The following VRK2 variants were observed in gnomAD, a reference collection of about 807,000 sequenced individuals.
VRK2 encodes the protein VRK serine/threonine kinase 2.
In VRK2, 60 loss-of-function variants were observed where a neutral mutation model predicts 57.6. That is an observed-to-expected ratio of 1.04 (90% CI 0.85 to 1.29). VRK2 has a LOEUF of 1.29. Among genes scored for constraint, VRK2 ranks in the 50% most tolerant of loss-of-function variants. VRK2 has a pLI of 0.00. For synonymous variants in VRK2, 231 were observed against 199.2 expected (o/e 1.16, Z -1.35); for missense variants, 705 against 588.1 (o/e 1.20, Z -2.06).
Position 58,139,706 on chromosome 2 carries a change from A to G in VRK2, c.897A>G (p.Ala299=). ...AQFLVCAHSL[A]YDEKPNYQAL... ...TTTTGGTATGTGCTCATAGTTTAGCATATGATGAAAAGCCAAACTATCAAG... is the reference window on the plus strand; with the variant it reads ...TTTTGGTATGTGCTCATAGTTTAGCGTATGATGAAAAGCCAAACTATCAAG... Residue 299 remains alanine, a synonymous_variant, in exon 11 of 13, where the codon GCA becomes GCG. Transcript: ENST00000340157. The G allele has an allele frequency of 6.2e-7, 1 of 1,613,148 alleles. No homozygotes were observed. Among genetic ancestry groups the G allele is most frequent in the Non-Finnish European group, 8.5e-7 (1 of 1,179,380 alleles).
chr2:58,042,625 T>C (rs995517300), upstream of VRK2, among the ~76,000 whole-genome samples: 1 of 152,200 alleles, frequency 6.6e-6, no homozygotes, highest in African/African-American at 2.4e-5. Context: ...GGTTGGGTTT[T>C]TCTTTTTCTT....
chr2:58,088,224 A>G (rs538787924), intron 5 of VRK2, 117 bp from the exon 6 acceptor site: 1 of 705,344 alleles, frequency 1.4e-6, no homozygotes, highest in Non-Finnish European at 2.5e-6. Context: ...CTAATGGTTT[A>G]GATTGCATTA....
chr2:58,132,523 C>G (rs1679363473), intron 9 of VRK2, among the ~76,000 whole-genome samples: 1 of 152,136 alleles, frequency 6.6e-6, no homozygotes. Flanking sequence ...AGACTAAGAA[C>G]AGGGTGTGTT....
intron 5 of VRK2, among the ~76,000 whole-genome samples, chr2:58,087,558 G>A (rs972676268): frequency 6.6e-6 from 1 of 152,180 alleles, no homozygotes; most frequent in Non-Finnish European, 1.5e-5. Context: ...AGGGGCTGAT[G>A]TGGATATATA....
chr2:57,927,869 G>A (rs550234172), intron 1 of VRK2, among the ~76,000 whole-genome samples: 1 of 152,260 alleles, frequency 6.6e-6, no homozygotes, highest in East Asian at 1.9e-4. Context: ...TCATGCCAGT[G>A]TTTCCTGGCC....
intron 1 of VRK2, among the ~76,000 whole-genome samples, chr2:57,945,206 A>AT (rs1253607143): frequency 6.6e-6 from 1 of 152,206 alleles, no homozygotes; most frequent in Non-Finnish European, 1.5e-5. Context: ...AAAATCTTGT[A>AT]TTAAGTTGGC....
intron 2 of VRK2, among the ~76,000 whole-genome samples, chr2:58,066,465 G>A (rs1668626508): frequency 6.6e-6 from 1 of 152,018 alleles, no homozygotes; most frequent in South Asian, 2.1e-4. Flanking sequence ...GATTCCATTT[G>A]CTTATATTTT....
At chr2:57,986,316 G>C (rs907119074) in intron 1 of VRK2, among the ~76,000 whole-genome samples, 1 of 151,884 alleles carries the variant, frequency 6.6e-6, no homozygotes, top group South Asian at 2.1e-4. Context: ...TTAAATGTCA[G>C]CTTCTTCAAA....
chr2:58,013,326 C>T (rs1203580772), intron 1 of VRK2, among the ~76,000 whole-genome samples: 1 of 152,168 alleles, frequency 6.6e-6, no homozygotes, highest in East Asian at 1.9e-4. Flanking sequence ...ATTTACACAT[C>T]TACTAATGTC....
intron 7 of VRK2, among the ~76,000 whole-genome samples, chr2:58,102,062 T>C (rs1333178339): frequency 6.6e-6 from 1 of 151,482 alleles, no homozygotes; most frequent in East Asian, 1.9e-4. Context: ...TAAATTCCCA[T>C]TGGGAAAGAT....
chr2:58,069,490 C>G (rs1186424131), intron 2 of VRK2, among the ~76,000 whole-genome samples: 1 of 152,048 alleles, frequency 6.6e-6, no homozygotes, highest in East Asian at 1.9e-4. Flanking sequence ...GTTCTCTGAC[C>G]AGAAATCTGG....
At position 58,011,232 on chromosome 2, in the gene VRK2, G is replaced by C. The variant is rs967110667; in HGVS notation, c.-438-14433G>C. Among the ~76,000 whole-genome samples the C allele has an allele frequency of 2.0e-5, 3 of 152,350 alleles. No individual in the cohort carries two copies. The East Asian group carries it at 5.8e-4, about 29-fold the overall frequency. ...TCAAATGATAGCTGCCCTAGGGCAA[G>C]GGCAAAACTTCAGCCATATTGGTTA... On this transcript the variant is annotated intron_variant, in intron 1 of 15. Coordinates refer to the VRK2 transcript ENST00000417641.
At chr2:58,010,951 CT>C (rs757604036) in intron 1 of VRK2, among the ~76,000 whole-genome samples, 1 of 152,224 alleles carries the variant, frequency 6.6e-6, no homozygotes, top group Admixed American at 6.5e-5. Flanking sequence ...AACAACCTTA[CT>C]TTTTAGTACA....
chr2:57,969,066 TA>T (rs1054807668), intron 1 of VRK2, among the ~76,000 whole-genome samples: 6 of 152,122 alleles, frequency 3.9e-5, no homozygotes. Context: ...TAATGTATTA[TA>T]AAATAGAGTG....
chr2:58,127,495 A>G (rs1678547078), intron 8 of VRK2, among the ~76,000 whole-genome samples: 1 of 152,212 alleles, frequency 6.6e-6, no homozygotes, highest in Admixed American at 6.5e-5. Flanking sequence ...AATATGACAC[A>G]TTGCATCCTA....
intron 7 of VRK2, among the ~76,000 whole-genome samples, chr2:58,092,919 T>C (rs1672579991): frequency 6.6e-6 from 1 of 152,146 alleles, no homozygotes; most frequent in Admixed American, 6.6e-5. Flanking sequence ...CGGTGTTTGG[T>C]TTTTTGTTCT....
intron 12 of VRK2, among the ~76,000 whole-genome samples, chr2:58,151,182 A>G (rs1682966584): frequency 6.6e-6 from 1 of 151,822 alleles, no homozygotes; most frequent in African/African-American, 2.4e-5. Flanking sequence ...ACAATCACCA[A>G]CTGTAATTGT....
At chr2:58,136,710 A>G (rs1680075067) in intron 10 of VRK2, among the ~76,000 whole-genome samples, 2 of 150,558 alleles carry the variant, frequency 1.3e-5, no homozygotes, top group Non-Finnish European at 1.5e-5. Context: ...ACCAAGTTGT[A>G]TAGTTCATCT....
intron 12 of VRK2, among the ~76,000 whole-genome samples, chr2:58,157,381 G>A (rs953668468): frequency 2.0e-5 from 3 of 152,164 alleles, no homozygotes; most frequent in Non-Finnish European, 4.4e-5. Flanking sequence ...TGGGGGTGCT[G>A]TCCTGTGATG....
Sources: gnomAD v4.1 joint callset for allele counts (sites outside exome capture counted in the v4.1 genomes callset) on GRCh38, gnomAD v4.1.1 for gene constraint, MANE v1.5 for transcripts, NCBI Gene and HGNC (gene_info 2026-07-23, HGNC 2026-07-21) for gene names.